The following DISC1 variants were observed in gnomAD, a reference collection of about 807,000 sequenced individuals.
DISC1 encodes the protein disrupted in schizophrenia 1 protein.
In DISC1, 57 loss-of-function variants were observed where a neutral mutation model predicts 84.5. The observed-to-expected ratio is 0.67, with a 90% confidence interval of 0.55 to 0.84. DISC1 has a LOEUF of 0.84. Among genes scored for constraint, DISC1 ranks in the 40% least tolerant of loss-of-function variants. DISC1 has a pLI of 0.00. For synonymous variants in DISC1, 411 were observed against 415.2 expected (o/e 0.99, Z 0.12); for missense variants, 1,000 against 1,057.8 (o/e 0.95, Z 0.76).
chr1:231,773,547 G>A (rs1414649934), intron 6 of DISC1, among the ~76,000 whole-genome samples: 6 of 151,712 alleles, frequency 4.0e-5, no homozygotes, highest in Non-Finnish European at 8.8e-5. Context: ...AGCACACCCA[G>A]CTAATTTTTT....
chr1:231,771,228 G>A, intron 6 of DISC1, 158 bp downstream of exon 6: 26 of 1,448,202 alleles, frequency 1.8e-5, no homozygotes, highest in Non-Finnish European at 2.2e-5. Flanking sequence ...AATTCTTCAC[G>A]GTGTGGGGCA....
intron 3 of DISC1, among the ~76,000 whole-genome samples, chr1:231,735,880 T>G (rs1048236798): frequency 2.0e-5 from 3 of 152,318 alleles, no homozygotes; most frequent in African/African-American, 7.2e-5. Flanking sequence ...TGATGTGATA[T>G]CGGCTCACTG....
chr1:231,993,108 C>T (rs1665445726), intron 10 of DISC1, among the ~76,000 whole-genome samples: 1 of 151,990 alleles, frequency 6.6e-6, no homozygotes, highest in Non-Finnish European at 1.5e-5. Context: ...TGACATGAGC[C>T]TTGAGATGGG....
At chr1:231,955,004 G>C (rs945923168) in intron 9 of DISC1, among the ~76,000 whole-genome samples, 1 of 152,174 alleles carries the variant, frequency 6.6e-6, no homozygotes, top group Non-Finnish European at 1.5e-5. Context: ...TCACCAACTG[G>C]TGCTTCAGAC....
intron 3 of DISC1, among the ~76,000 whole-genome samples, chr1:231,746,899 G>A (rs948388046): frequency 2.3e-4 from 35 of 152,054 alleles, no homozygotes; most frequent in Non-Finnish European, 2.5e-4. Context: ...CTCCCATTCT[G>A]TAGGTTGTCT....
At chr1:231,688,580 A>G (rs1190680724) in intron 1 of DISC1, among the ~76,000 whole-genome samples, 1 of 152,178 alleles carries the variant, frequency 6.6e-6, no homozygotes, top group Non-Finnish European at 1.5e-5. Context: ...CTTGGAGCTC[A>G]TGGGAGGCCT....
rs147302872 is a variant in DISC1, at chr1:231,755,457, A to G, written c.1268+5381A>G. Among the ~76,000 whole-genome samples, 653 of 151,840 alleles carry G rather than the reference A, an allele frequency of 4.3e-3. 3 individuals carry two copies. The highest frequency in any genetic ancestry group is 6.4e-3 in the Non-Finnish European group (433 of 67,908). ...CTCTGAGTCTTCAGATACTGTTTCT[A>G]TACTATTTTTTCCCAAATTTCTATC... On this transcript the variant is annotated intron_variant, in intron 4 of 12. Coordinates refer to ENST00000439617, the MANE Select transcript of DISC1 (RefSeq NM_018662.3).
rs201249179 is a variant in DISC1 at position 232,037,995 on chromosome 1, AAC to A, written c.*1168_*1169del. 9,531 of 152,170 alleles carry A rather than the reference AAC, an allele frequency of 0.063. 310 individuals carry two copies. The highest frequency in any genetic ancestry group is 0.069 in the Non-Finnish European group (4,732 of 68,138). The allele number at this position is 152,170 out of a possible 1,614,324, so 9.4% of individuals were successfully genotyped here. A position where few individuals can be genotyped will look rare whatever the true frequency, so the allele number is the denominator to read the frequency against. ...TCAGTAAGGCAGTGCAGTACTCAGT[AAC>A]ACAGTGCAGTACTCAGTAATACAGT... is the stretch of plus-strand genomic sequence containing the variant. On this transcript the variant is annotated 3_prime_UTR_variant, in exon 13 of 13. Transcript: ENST00000439617.
chr1:231,811,950 A>G (rs1028004086), intron 8 of DISC1, among the ~76,000 whole-genome samples: 2 of 152,198 alleles, frequency 1.3e-5, no homozygotes, highest in African/African-American at 2.4e-5. Flanking sequence ...AAATGATACA[A>G]TCCAAGTAAT....
chr1:231,815,584 A>G (rs2080863717), intron 8 of DISC1, among the ~76,000 whole-genome samples: 1 of 152,114 alleles, frequency 6.6e-6, no homozygotes, highest in East Asian at 1.9e-4. Context: ...TAAAAAATAC[A>G]AAAATTAACT....
At chr1:231,738,300 T>C (rs2072786799) in intron 3 of DISC1, among the ~76,000 whole-genome samples, 1 of 152,232 alleles carries the variant, frequency 6.6e-6, no homozygotes, top group South Asian at 2.1e-4. Context: ...ATCCCAGTGA[T>C]GCTCCTTTCT....
rs373315897 is a variant in DISC1, at chr1:231,773,631, T to G, written c.1634+2561T>G. On this transcript the variant is annotated intron_variant, in intron 6 of 12. Transcript: ENST00000439617. ...AATTTCCTGACCTCATGATCTGCCCTCCTTGGCCTCCCAAAGTGCTGAGAT... is the reference window on the plus strand; with the variant it reads ...AATTTCCTGACCTCATGATCTGCCCGCCTTGGCCTCCCAAAGTGCTGAGAT... 1.7e-3 allele frequency among the ~76,000 whole-genome samples: 263 copies of G among 152,200 alleles called. 2 individuals are homozygous for G. The highest frequency in any genetic ancestry group is 3.9e-3 in the East Asian group (20 of 5,156).
chr1:231,771,905 G>A (rs541114916), intron 6 of DISC1, among the ~76,000 whole-genome samples: 1 of 152,058 alleles, frequency 6.6e-6, no homozygotes, highest in South Asian at 2.1e-4. Context: ...CTGGGTTTAA[G>A]TGATCCTTTC....
chr1:231,877,913 A>T (rs1018145334), intron 9 of DISC1, among the ~76,000 whole-genome samples: 7 of 152,256 alleles, frequency 4.6e-5, no homozygotes, highest in African/African-American at 1.7e-4. Context: ...GTGCATGGTA[A>T]ATGGAAATTG....
rs916971360 is a variant in DISC1, at chr1:231,795,176, C to A, written c.1635-66C>A. 1.2e-5 allele frequency: 18 copies of A among 1,491,186 alleles called. No homozygotes were observed. The African/African-American group carries it at 1.4e-4, about 11-fold the overall frequency. The allele number at this position is 1,491,186 out of a possible 1,614,324, so 92.4% of individuals were successfully genotyped here. A position where few individuals can be genotyped will look rare whatever the true frequency, so the allele number is the denominator to read the frequency against. ...TGGAAGGTTCACTTTTTGCAGTGTT[C>A]CTAACTGTAGTGGTATTGAATTGTG... On this transcript the variant is annotated intron_variant, in intron 6 of 12. Transcript: ENST00000439617.
At chr1:231,866,552 A>G in intron 9 of DISC1, 1 of 931,460 alleles carries the variant, frequency 1.1e-6, no homozygotes, top group Non-Finnish European at 1.8e-6. Context: ...AGAGTCCTGG[A>G]CACAGAGAAG....
intron 1 of DISC1, among the ~76,000 whole-genome samples, chr1:231,642,760 C>T (rs1398795115): frequency 6.6e-6 from 1 of 152,166 alleles, no homozygotes; most frequent in African/African-American, 2.4e-5. Flanking sequence ...ATTCCCTGCT[C>T]TTGCTGGTAT....
chr1:231,860,552 T>TG (rs994653829), intron 9 of DISC1, among the ~76,000 whole-genome samples: 3 of 152,230 alleles, frequency 2.0e-5, no homozygotes, highest in African/African-American at 4.8e-5. Context: ...TGTGTGTGTT[T>TG]GGAGCCTTCT....
At chr1:231,708,151 G>C (rs530173059) in intron 3 of DISC1, among the ~76,000 whole-genome samples, 4 of 152,152 alleles carry the variant, frequency 2.6e-5, no homozygotes, top group Non-Finnish European at 5.9e-5. Flanking sequence ...CTTGAAACCT[G>C]GTAAAGCATT....
Sources: gnomAD v4.1 joint callset for allele counts (sites outside exome capture counted in the v4.1 genomes callset) on GRCh38, gnomAD v4.1.1 for gene constraint, MANE v1.5 for transcripts, NCBI Gene and HGNC (gene_info 2026-07-23, HGNC 2026-07-21) for gene names.